The following SETD9 variants were observed in gnomAD, a reference collection of about 807,000 sequenced individuals.
The protein encoded by SETD9 is SET domain containing 9.
In SETD9, 37 loss-of-function variants were observed where a neutral mutation model predicts 36.4. The observed-to-expected ratio is 1.02, with a 90% confidence interval of 0.78 to 1.34. The LOEUF (loss-of-function observed/expected upper bound fraction) is 1.34. Among genes scored for constraint, SETD9 ranks in the 40% most tolerant of loss-of-function variants. The probability of loss-of-function intolerance (pLI) is 0.00; values close to 1 mark genes in which losing one functional copy is unlikely to be tolerated. For synonymous variants in SETD9, 128 were observed against 132.9 expected (o/e 0.96, Z 0.26); for missense variants, 323 against 353.2 (o/e 0.91, Z 0.69).
downstream of SETD9, chr5:56,921,419 C>T (rs1001515288): frequency 1.3e-5 from 2 of 152,518 alleles, no homozygotes; most frequent in South Asian, 2.1e-4. Flanking sequence ...GAATGCTATA[C>T]TTCAGATGTA....
chr5:56,915,079 A>G, intron 5 of SETD9, 113 bp downstream of exon 5: 3 of 616,900 alleles, frequency 4.9e-6, no homozygotes, highest in Non-Finnish European at 7.6e-6. Flanking sequence ...GTGAAAAATT[A>G]TAACTCAGAT....
downstream of SETD9, among the ~76,000 whole-genome samples, chr5:56,926,285 C>T (rs926228494): frequency 2.0e-5 from 3 of 151,894 alleles, no homozygotes; most frequent in African/African-American, 7.3e-5. Flanking sequence ...TGCAAACACA[C>T]TGGCAAGGGA....
At chr5:56,923,344 T>G (rs1329941600) in intron 5 of SETD9, 1 of 1,614,092 alleles carries the variant, frequency 6.2e-7, no homozygotes, top group East Asian at 2.2e-5. Flanking sequence ...TCAATCTTTT[T>G]GCTGGTCTCT....
In SETD9 at chr5:56,911,407, G is replaced by C. The variant is rs775140043; in HGVS notation, c.337G>C (p.Glu113Gln). ...TCAACAGCAAAGTACCTTTAAACCA[G>C]AAGAAATTCTTTACAAGACTTTGGG... ...RHQQQSTFKP[E>Q]EILYKTLGFS... The change falls in exon 2 of 6, where the codon GAA (glutamate) becomes CAA (glutamine). Residue 113 changes from glutamate to glutamine, a missense_variant. Glu to Gln is a conservative substitution (Grantham distance 29). Coordinates refer to ENST00000285947, the MANE Select transcript of SETD9 (RefSeq NM_153706.4). 11 of 1,613,754 alleles carry C rather than the reference G, an allele frequency of 6.8e-6. No homozygotes were observed. Among genetic ancestry groups the C allele is most frequent in the Non-Finnish European group, 8.5e-6 (10 of 1,179,914 alleles).
intron 5 of SETD9, chr5:56,925,263 G>A: frequency 2.3e-6 from 1 of 436,036 alleles, no homozygotes; most frequent in South Asian, 1.7e-5. Context: ...AGCTAATGCA[G>A]TAAGACAAGA....
intron 5 of SETD9, chr5:56,922,535 G>A (rs1404690170): frequency 6.5e-6 from 1 of 153,344 alleles, no homozygotes; most frequent in Non-Finnish European, 1.5e-5. Flanking sequence ...TGCTCTAGTT[G>A]AATAACATGA....
chr5:56,914,927 A>G lies in SETD9; in HGVS notation c.773A>G (p.Gln258Arg). 1 of 1,599,836 alleles carries G rather than the reference A, an allele frequency of 6.3e-7. No homozygotes were observed. The highest frequency in any genetic ancestry group is 1.1e-5 in the South Asian group (1 of 89,206). ...GCAGTTTTCCCTATAGAACTGAAGCAGTATCTTCCAAACATTGCCTACAGC... is the reference window on the plus strand; with the variant it reads ...GCAGTTTTCCCTATAGAACTGAAGCGGTATCTTCCAAACATTGCCTACAGC... ...VPAVFPIELK[Q>R]YLPNIAYSYD... is the part of the protein sequence containing the mutation. The change falls in exon 5 of 6, where the codon CAG becomes CGG. Residue 258 changes from glutamine to arginine, a missense_variant. Coordinates refer to ENST00000285947, the MANE Select transcript of SETD9 (RefSeq NM_153706.4).
At chr5:56,922,292 A>G (rs1287016482), downstream of SETD9, 1 of 152,476 alleles carries the variant, frequency 6.6e-6, no homozygotes, top group Non-Finnish European at 1.5e-5. Context: ...TAAGATTACA[A>G]TCTTGACAAT....
downstream of SETD9, among the ~76,000 whole-genome samples, chr5:56,918,486 G>T (rs567035190): frequency 6.6e-6 from 1 of 152,128 alleles, no homozygotes; most frequent in Non-Finnish European, 1.5e-5. Flanking sequence ...TGGCCAAAAT[G>T]ACTTCTAGTA....
In SETD9 at chr5:56,911,225, T is replaced by C; in HGVS notation, c.155T>C (p.Val52Ala). 6.3e-7 allele frequency: 1 copy of C among 1,595,300 alleles called. No individual in the cohort carries two copies. The highest frequency in any genetic ancestry group is 8.5e-7 in the Non-Finnish European group (1 of 1,172,476). ...GACAAAGTTATCTCAGATGAAGATG[T>C]CCTAGGAACATTACTGAAAGTTTTC... The part of the protein sequence containing the change: ...SKDKVISDED[V>A]LGTLLKVFQA... The change falls in exon 2 of 6, where the codon GTC (valine) becomes GCC (alanine). Residue 52 changes from valine (V) to alanine (A), a missense_variant. By Grantham distance (64) the Val-to-Ala change is moderately conservative. Coordinates refer to ENST00000285947, the MANE Select transcript of SETD9 (RefSeq NM_153706.4).
At chr5:56,924,196 C>T (rs907532315) in intron 5 of SETD9, among the ~76,000 whole-genome samples, 1 of 151,892 alleles carries the variant, frequency 6.6e-6, no homozygotes, top group Admixed American at 6.6e-5. Flanking sequence ...GTTCTGAACA[C>T]TTTGATTAGT....
intron 5 of SETD9, chr5:56,922,562 T>C (rs1046485021): frequency 2.0e-5 from 3 of 153,294 alleles, no homozygotes; most frequent in African/African-American, 2.4e-5. Flanking sequence ...TTTCCATTTT[T>C]AAAAAATCCT....
intron 5 of SETD9, chr5:56,923,940 T>C: frequency 6.2e-7 from 1 of 1,613,832 alleles, no homozygotes; most frequent in Middle Eastern, 1.7e-4. Context: ...TGGTTATATC[T>C]TTTTTTCCCA....
chr5:56,915,118 G>A (rs1373020744), intron 5 of SETD9, 152 bp downstream of exon 5: 2 of 422,992 alleles, frequency 4.7e-6, no homozygotes, highest in Non-Finnish European at 8.3e-6. Context: ...ACGTGTTAAT[G>A]TAGGCTTATT....
intron 1 of SETD9, chr5:56,910,095 T>A: frequency 2.4e-6 from 3 of 1,248,714 alleles, no homozygotes; most frequent in East Asian, 4.7e-5. Flanking sequence ...GTGTCGCCTG[T>A]TCTTCCCTGT....
At position 56,917,123 on chromosome 5, in the gene SETD9, A is replaced by G. The variant is rs915248417; in HGVS notation, c.*221A>G. On this transcript the variant is annotated 3_prime_UTR_variant, in exon 6 of 6. Transcript: ENST00000285947. ...AAATTTGTAATGCAATTCCAAGTTT[A>G]ATTGGTTTTCACCTAAATACACAAT... 7.3e-6 allele frequency: 9 copies of G among 1,230,088 alleles called. No individual in the cohort carries two copies. In the Middle Eastern group the frequency reaches 9.7e-4, roughly 132 times the overall value. The allele number at this position is 1,230,088 out of a possible 1,614,324, so 76.2% of individuals were successfully genotyped here.
intron 2 of SETD9, 185 bp downstream of exon 2, chr5:56,911,721 A>G (rs1749140613): frequency 1.8e-6 from 1 of 561,878 alleles, no homozygotes; most frequent in Non-Finnish European, 2.8e-6. Flanking sequence ...GTTAGAAAGT[A>G]TCCTGGAGTA....
At chr5:56,922,956 G>C (rs912112646) in intron 5 of SETD9, 21 of 616,526 alleles carry the variant, frequency 3.4e-5, no homozygotes, top group Non-Finnish European at 5.6e-5. Flanking sequence ...CCACATTTAT[G>C]GATTGAAAAA....
chr5:56,916,265 A>C (rs1749420117), intron 5 of SETD9, among the ~76,000 whole-genome samples: 1 of 151,956 alleles, frequency 6.6e-6, no homozygotes, highest in South Asian at 2.1e-4. Flanking sequence ...GGTGGCACGC[A>C]CCTGTAATCC....
Sources: allele counts gnomAD v4.1 joint callset (sites outside exome capture counted in the v4.1 genomes callset), GRCh38; gene constraint gnomAD v4.1.1; transcripts MANE v1.5; gene names NCBI Gene and HGNC (gene_info 2026-07-23, HGNC 2026-07-21).